The following CELF4 variants were observed in gnomAD, a reference collection of about 807,000 sequenced individuals.
CELF4 encodes CUGBP Elav-like family member 4, also known as CUG-BP- and ETR-3-like factor 4.
A neutral mutation model predicts 59.9 loss-of-function variants in CELF4; 18 were observed. The ratio of observed to expected loss-of-function variants is 0.30; its 90% CI spans 0.21 to 0.45. CELF4 has a LOEUF of 0.45. Ranked by LOEUF, CELF4 falls within the 20% of genes least tolerant of loss-of-function variation. The pLI is 1.00. For synonymous variants in CELF4, 261 were observed against 267.1 expected, an observed-to-expected ratio of 0.98 and a Z score of 0.22; for missense variants, 456 against 689.0, an observed-to-expected ratio of 0.66 and a Z score of 3.79.
intron 1 of CELF4, among the ~76,000 whole-genome samples, chr18:37,503,158 A>G (rs1432570540): frequency 1.3e-5 from 2 of 152,152 alleles, no homozygotes; most frequent in Non-Finnish European, 2.9e-5. Flanking sequence ...GTGTGTCTAA[A>G]GGCCAGATAC....
chr18:37,289,843 A>G (rs2095202670), intron 3 of CELF4, among the ~76,000 whole-genome samples: 1 of 152,136 alleles, frequency 6.6e-6, no homozygotes, highest in Non-Finnish European at 1.5e-5. Context: ...GACATGGAGT[A>G]TTACACAGCC....
At chr18:37,321,697 G>T (rs1302273854) in intron 3 of CELF4, 106 bp downstream of exon 3, 13 of 773,720 alleles carry the variant, frequency 1.7e-5, no homozygotes, top group Non-Finnish European at 2.8e-5. Context: ...ATCCCCAGAG[G>T]GGCAAGAGGA....
chr18:37,316,652 C>T (rs543065349), intron 3 of CELF4, among the ~76,000 whole-genome samples: 4 of 152,066 alleles, frequency 2.6e-5, no homozygotes, highest in Non-Finnish European at 4.4e-5. Flanking sequence ...GATCTAATTC[C>T]TAATTCCCAC....
chr18:37,367,166 G>C (rs1821647098), intron 2 of CELF4, among the ~76,000 whole-genome samples: 1 of 152,146 alleles, frequency 6.6e-6, no homozygotes, highest in Non-Finnish European at 1.5e-5. Context: ...AGGAAGAGGA[G>C]GAGCTAGGGC....
intron 1 of CELF4, among the ~76,000 whole-genome samples, chr18:37,555,368 C>G (rs1365285270): frequency 6.6e-6 from 1 of 152,134 alleles, no homozygotes; most frequent in Admixed American, 6.5e-5. Context: ...AAGCAAAGGC[C>G]GGATGAGGGA....
intron 2 of CELF4, among the ~76,000 whole-genome samples, chr18:37,361,325 C>T (rs376914913): frequency 2.0e-5 from 3 of 152,146 alleles, no homozygotes; most frequent in Non-Finnish European, 4.4e-5. Flanking sequence ...TTTGGTTGTG[C>T]CTGTGGCTCA....
chr18:37,476,299 C>CTGGGCACAGGGT (rs1390916117), intron 2 of CELF4, among the ~76,000 whole-genome samples: 2 of 152,236 alleles, frequency 1.3e-5, no homozygotes, highest in East Asian at 3.9e-4. Context: ...CTCTTCTGTG[C>CTGGGCACAGGGT]TGGGCACAGG....
chr18:37,337,829 G>A (rs1349403984), intron 2 of CELF4, among the ~76,000 whole-genome samples: 3 of 152,190 alleles, frequency 2.0e-5, no homozygotes, highest in Non-Finnish European at 4.4e-5. Flanking sequence ...CCAGGGACAG[G>A]ATTCTTGGTT....
intron 11 of CELF4, among the ~76,000 whole-genome samples, chr18:37,256,228 A>G (rs1319501672): frequency 6.6e-6 from 1 of 152,052 alleles, no homozygotes; most frequent in Non-Finnish European, 1.5e-5. Context: ...GAATCCCCCT[A>G]TGGTATTCCC....
At chr18:37,274,761 G>A (rs1308028379) in intron 5 of CELF4, 44 bp downstream of exon 5, 3 of 1,527,708 alleles carry the variant, frequency 2.0e-6, no homozygotes, top group Non-Finnish European at 2.6e-6. Flanking sequence ...TGGGGTCTCG[G>A]CCCGCCGCTG....
intron 1 of CELF4, among the ~76,000 whole-genome samples, chr18:37,523,699 C>T (rs1249376544): frequency 6.6e-6 from 1 of 152,226 alleles, no homozygotes. Flanking sequence ...GCCCCACTTA[C>T]GGAGATTTCT....
chr18:37,359,240 G>A (rs953273566), intron 2 of CELF4, among the ~76,000 whole-genome samples: 2 of 152,236 alleles, frequency 1.3e-5, no homozygotes, highest in African/African-American at 4.8e-5. Context: ...CCATGTGAGA[G>A]GATCTCAGAG....
chr18:37,520,522 C>T (rs964155060), intron 1 of CELF4, among the ~76,000 whole-genome samples: 8 of 135,992 alleles, frequency 5.9e-5, no homozygotes, highest in African/African-American at 1.1e-4. Context: ...TAACAGGCTT[C>T]GGGTTGCTCT....
At chr18:37,565,274 G>T (rs2099987886) in intron 1 of CELF4, 82 bp downstream of exon 1, 2 of 1,434,904 alleles carry the variant, frequency 1.4e-6, no homozygotes, top group Non-Finnish European at 9.3e-7. Context: ...TTAGTCCGCC[G>T]CTCGTCAGTC....
chr18:37,291,439 G>C (rs1394324817), intron 3 of CELF4, among the ~76,000 whole-genome samples: 1 of 152,176 alleles, frequency 6.6e-6, no homozygotes, highest in Non-Finnish European at 1.5e-5. Flanking sequence ...TTTCTACCCC[G>C]CACCCTGGTG....
chr18:37,361,155 T>C (rs918182645), intron 2 of CELF4, among the ~76,000 whole-genome samples: 2 of 152,206 alleles, frequency 1.3e-5, no homozygotes, highest in Non-Finnish European at 2.9e-5. Context: ...ACAGGTACTT[T>C]AGGGTTTCCA....
chr18:37,274,105 T>G (rs1406561268), intron 6 of CELF4: 178 of 1,389,304 alleles, frequency 1.3e-4, no homozygotes, highest in Non-Finnish European at 1.6e-4. Context: ...GCCCACCTCC[T>G]CCTGGCAGCC....
At chr18:37,411,566 C>G (rs958637049) in intron 2 of CELF4, among the ~76,000 whole-genome samples, 1 of 152,234 alleles carries the variant, frequency 6.6e-6, no homozygotes, top group Non-Finnish European at 1.5e-5. Context: ...ACTTGCTTCT[C>G]ACTTTCTGAT....
chr18:37,420,361 C>T (rs112348925), intron 2 of CELF4, among the ~76,000 whole-genome samples: 1 of 152,236 alleles, frequency 6.6e-6, no homozygotes, highest in African/African-American at 2.4e-5. Context: ...GATGACAGCA[C>T]TTAGCTCACA....
Sources: gnomAD v4.1 joint callset for allele counts (sites outside exome capture counted in the v4.1 genomes callset) on GRCh38, gnomAD v4.1.1 for gene constraint, MANE v1.5 for transcripts, NCBI Gene and HGNC (gene_info 2026-07-23, HGNC 2026-07-21) for gene names.